The following GRHL2 variants were observed in gnomAD, a reference collection of about 807,000 sequenced individuals.
GRHL2 encodes the protein grainyhead like transcription factor 2.
In GRHL2, 21 loss-of-function variants were observed where a neutral mutation model predicts 83.8. That is an observed-to-expected ratio of 0.25 (90% CI 0.18 to 0.36). The LOEUF (loss-of-function observed/expected upper bound fraction) is 0.36, where lower values mean the gene tolerates loss of function less well. Ranked by LOEUF, GRHL2 falls within the 10% of genes least tolerant of loss-of-function variation. The pLI, the probability that GRHL2 is intolerant of heterozygous loss-of-function variation, is 1.00. For missense variants in GRHL2, 623 were observed against 781.8 expected (o/e 0.80, Z 2.42); for synonymous variants, 280 against 278.9 (o/e 1.00, Z -0.04).
chr8:101,527,148 A>C (rs1384137908), intron 1 of GRHL2, among the ~76,000 whole-genome samples: 3 of 152,182 alleles, frequency 2.0e-5, no homozygotes, highest in Non-Finnish European at 2.9e-5. Flanking sequence ...AAACCCTTGA[A>C]AGTATCTAAG....
chr8:101,559,982 A>G (rs1376813196), intron 4 of GRHL2, among the ~76,000 whole-genome samples: 1 of 151,500 alleles, frequency 6.6e-6, no homozygotes, highest in East Asian at 1.9e-4. Flanking sequence ...TAGTTTTGAG[A>G]CTCATTTATG....
Position 101,668,059 on chromosome 8 carries a change from T to G in GRHL2, c.*1356T>G, listed in dbSNP as rs1371095422. On this transcript the variant is annotated 3_prime_UTR_variant, in exon 16 of 16. Transcript: ENST00000646743. ...AGAATGTGCCAAGATACCTGGCTCCTGTGAAACCAGCCTCAGGAGGGAAAC... is the reference window on the plus strand; with the variant it reads ...AGAATGTGCCAAGATACCTGGCTCCGGTGAAACCAGCCTCAGGAGGGAAAC... 1 of 152,462 alleles carries G rather than the reference T, an allele frequency of 6.6e-6. No homozygotes were observed. Among genetic ancestry groups the G allele is most frequent in the African/African-American group, 2.4e-5 (1 of 41,434 alleles). 9.4% of individuals were successfully genotyped at this position (152,462 alleles called of 1,614,324 possible).
intron 11 of GRHL2, among the ~76,000 whole-genome samples, chr8:101,634,007 T>A (rs1813236020): frequency 6.6e-6 from 1 of 152,192 alleles, no homozygotes; most frequent in South Asian, 2.1e-4. Flanking sequence ...TGACTGTCAG[T>A]CCGCTGACCT....
At position 101,612,574 on chromosome 8, in the gene GRHL2, C is replaced by A. The variant is rs1028888242; in HGVS notation, c.1099-6965C>A. Among the ~76,000 whole-genome samples, 62 of 147,786 alleles carry A rather than the reference C, an allele frequency of 4.2e-4. 5 individuals carry two copies. The highest frequency in any genetic ancestry group is 1.6e-3 in the African/African-American group (62 of 39,310). ...ATACATAGATATTGATGAAGATATTCATGCTGAATATATAGTTGATGCTCA... is the reference window on the plus strand; with the variant it reads ...ATACATAGATATTGATGAAGATATTAATGCTGAATATATAGTTGATGCTCA... On this transcript the variant is annotated intron_variant, in intron 8 of 15. Transcript: ENST00000646743.
intron 1 of GRHL2, among the ~76,000 whole-genome samples, chr8:101,511,063 T>C (rs1222737614): frequency 1.3e-5 from 2 of 152,006 alleles, no homozygotes; most frequent in African/African-American, 4.8e-5. Flanking sequence ...ATCGTGCCAC[T>C]GCACTCCGGC....
chr8:101,592,474 CT>C (rs1259518136), intron 7 of GRHL2, among the ~76,000 whole-genome samples: 2 of 152,162 alleles, frequency 1.3e-5, no homozygotes, highest in Non-Finnish European at 2.9e-5. Context: ...GAAGTTGTTC[CT>C]TTTAATTATT....
rs35741171 is a variant in GRHL2 at position 101,653,737 on chromosome 8, C to CA, written c.1698+4248dup. ...AGACTGGGAGAGAGTGACTCTGTCT[C>CA]AAAAAAAAAACAAAAACAAAAACAA... On this transcript the variant is annotated intron_variant, in intron 14 of 15. Coordinates refer to ENST00000646743, the MANE Select transcript of GRHL2 (RefSeq NM_024915.4). 1.5e-3 allele frequency among the ~76,000 whole-genome samples: 168 copies of CA among 113,738 alleles called. 3 individuals are homozygous for CA. The South Asian group carries it at 0.024, about 16-fold the overall frequency. The allele number at this position is 113,738 out of a possible 152,430, so 74.6% of individuals were successfully genotyped here. A position where few individuals can be genotyped will look rare whatever the true frequency, so the allele number is the denominator to read the frequency against.
chr8:101,629,869 C>T (rs990829803), intron 9 of GRHL2, among the ~76,000 whole-genome samples: 2 of 151,928 alleles, frequency 1.3e-5, no homozygotes, highest in Non-Finnish European at 2.9e-5. Flanking sequence ...TGTATAAAAC[C>T]TTTATATATC....
chr8:101,535,000 T>C (rs1811013750), intron 1 of GRHL2, among the ~76,000 whole-genome samples: 1 of 152,202 alleles, frequency 6.6e-6, no homozygotes, highest in Non-Finnish European at 1.5e-5. Context: ...ATCACATGCA[T>C]TTCTCTCATT....
chr8:101,572,687 T>C (rs1811850519), intron 5 of GRHL2, among the ~76,000 whole-genome samples: 1 of 152,244 alleles, frequency 6.6e-6, no homozygotes, highest in Non-Finnish European at 1.5e-5. Context: ...AAATAAATAT[T>C]TCTGAATGAA....
At chr8:101,588,682 T>G (rs986183793) in intron 7 of GRHL2, among the ~76,000 whole-genome samples, 1 of 152,202 alleles carries the variant, frequency 6.6e-6, no homozygotes, top group Non-Finnish European at 1.5e-5. Context: ...ACTTGAAGAT[T>G]TATAGTCTTT....
At chr8:101,552,616 C>T in intron 2 of GRHL2, 99 bp from the exon 3 acceptor site, 1 of 1,061,070 alleles carries the variant, frequency 9.4e-7, no homozygotes, top group Non-Finnish European at 1.5e-6. Context: ...TCCTGGAGAA[C>T]ATTCCATTTT....
chr8:101,640,820 C>G (rs1189039371), intron 12 of GRHL2, among the ~76,000 whole-genome samples: 1 of 152,184 alleles, frequency 6.6e-6, no homozygotes, highest in Non-Finnish European at 1.5e-5. Context: ...CTTACCATTT[C>G]CAGGCTGCTT....
At chr8:101,493,347 T>C (rs761374653) in intron 1 of GRHL2, among the ~76,000 whole-genome samples, 1 of 152,086 alleles carries the variant, frequency 6.6e-6, no homozygotes, top group Non-Finnish European at 1.5e-5. Context: ...GTGGCCCCGA[T>C]GGGAGGCGAG....
intron 14 of GRHL2, among the ~76,000 whole-genome samples, chr8:101,663,703 G>T (rs1335661454): frequency 6.6e-6 from 1 of 151,936 alleles, no homozygotes; most frequent in East Asian, 1.9e-4. Context: ...TGACTGTGTG[G>T]TGCATTTTTT....
At chr8:101,541,989 A>C (rs17398001) in intron 1 of GRHL2, among the ~76,000 whole-genome samples, 25,789 of 152,098 alleles carry the variant, frequency 0.17, 2,356 homozygotes, top group African/African-American at 0.22. Context: ...ATTCTGTTGT[A>C]GCACAGGATC....
chr8:101,543,546 C>A, intron 2 of GRHL2, 110 bp downstream of exon 2: 1 of 991,176 alleles, frequency 1.0e-6, no homozygotes, highest in Non-Finnish European at 1.6e-6. Context: ...ATAGCATTTC[C>A]AAAGTCAATA....
chr8:101,553,231 G>A (rs932658050), intron 3 of GRHL2, among the ~76,000 whole-genome samples: 4 of 152,192 alleles, frequency 2.6e-5, no homozygotes, highest in African/African-American at 7.2e-5. Flanking sequence ...CGACTGTAAG[G>A]GCTATCGCTG....
chr8:101,494,106 C>T (rs1332292940), intron 1 of GRHL2, among the ~76,000 whole-genome samples: 1 of 152,138 alleles, frequency 6.6e-6, no homozygotes, highest in Non-Finnish European at 1.5e-5. Context: ...GTTGCGGCCA[C>T]CCCGAGGGGA....
Sources: allele counts gnomAD v4.1 joint callset (sites outside exome capture counted in the v4.1 genomes callset), GRCh38; gene constraint gnomAD v4.1.1; transcripts MANE v1.5; gene names NCBI Gene and HGNC (gene_info 2026-07-23, HGNC 2026-07-21).